Variants in MS4A14 observed in about 807,000 individuals in gnomAD.
MS4A14 encodes membrane-spanning 4-domains subfamily A member 14.
In MS4A14, 18 loss-of-function variants were observed where a neutral mutation model predicts 16.7. That is an observed-to-expected ratio of 1.08 (90% CI 0.75 to 1.60). The LOEUF is 1.60. MS4A14 is among the 40% of genes most tolerant of loss of function. The pLI is 0.00. For synonymous variants in MS4A14, 305 were observed against 289.4 expected, an observed-to-expected ratio of 1.05 and a Z score of -0.55; for missense variants, 812 against 775.3, an observed-to-expected ratio of 1.05 and a Z score of -0.56.
chr11:60,398,150 T>A, intron 2 of MS4A14, 170 bp downstream of exon 2: 3 of 568,712 alleles, frequency 5.3e-6, no homozygotes, highest in Non-Finnish European at 9.0e-6. Context: ...ACTACCATCA[T>A]CATTGTAATA....
rs114610919 is a variant in MS4A14, at chr11:60,414,450, A to G, written c.469-987A>G. Among the ~76,000 whole-genome samples the G allele has an allele frequency of 7.7e-3, 1,174 of 152,272 alleles. 14 individuals are homozygous for G. Among genetic ancestry groups the G allele is most frequent in the African/African-American group, 0.025 (1,019 of 41,556 alleles). On this transcript the variant is annotated intron_variant, in intron 4 of 4. Coordinates refer to ENST00000300187, the MANE Select transcript of MS4A14 (RefSeq NM_032597.5). ...TCATTTAATCACTGAGTTCTGATCCACTTCATCAAATAGAACAAGTAGTCT... is the reference window on the plus strand; with the variant it reads ...TCATTTAATCACTGAGTTCTGATCCGCTTCATCAAATAGAACAAGTAGTCT...
chr11:60,413,862 G>A (rs1339852387), intron 4 of MS4A14, among the ~76,000 whole-genome samples: 1 of 152,064 alleles, frequency 6.6e-6, no homozygotes, highest in Non-Finnish European at 1.5e-5. Flanking sequence ...CCTGAAGTAG[G>A]AAGTAGGTGA....
At chr11:60,398,070 A>C in intron 2 of MS4A14, 90 bp downstream of exon 2, 1 of 1,441,138 alleles carries the variant, frequency 6.9e-7, no homozygotes, top group Non-Finnish European at 9.3e-7. Context: ...TTCCATAAAT[A>C]TGGCCCTCCA....
In MS4A14 at chr11:60,416,835, A is replaced by C; in HGVS notation, c.1867A>C (p.Asn623His). The change falls in exon 5 of 5, where the codon AAT becomes CAT. Residue 623 changes from asparagine (N) to histidine (H), a missense_variant. Coordinates refer to ENST00000300187, the MANE Select transcript of MS4A14 (RefSeq NM_032597.5). ...EKKSPKGQFQ[N>H]VQAEGQQAQV... ...GAAATCCCCGAAAGGACAATTCCAA[A>C]ATGTTCAAGCCGAAGGACAGCAAGC... The C allele has an allele frequency of 6.2e-7, 1 of 1,613,762 alleles. No homozygotes were observed. The highest frequency in any genetic ancestry group is 1.1e-5 in the South Asian group (1 of 91,072).
Position 60,405,968 on chromosome 11 carries a change from G to T in MS4A14, c.468+2907G>T, listed in dbSNP as rs550188620. On this transcript the variant is annotated intron_variant, in intron 4 of 4. Transcript: ENST00000300187. ...ACTATTGCATCCTTTAGAAGCAAGT[G>T]CTGGACACAGTCAGATGAGGTGTGT... is the stretch of plus-strand genomic sequence containing the variant. 89 of 1,527,210 alleles carry T rather than the reference G, an allele frequency of 5.8e-5. No individual in the cohort carries two copies. In the African/African-American group the frequency reaches 1.0e-3, roughly 18 times the overall value. 94.6% of individuals were successfully genotyped at this position (1,527,210 alleles called of 1,614,324 possible). A position where few individuals can be genotyped will look rare whatever the true frequency, so the allele number is the denominator to read the frequency against.
At chr11:60,414,455 A>G (rs2085909140) in intron 4 of MS4A14, among the ~76,000 whole-genome samples, 1 of 152,278 alleles carries the variant, frequency 6.6e-6, no homozygotes, top group African/African-American at 2.4e-5. Flanking sequence ...GATCCACTTC[A>G]TCAAATAGAA....
chr11:60,416,595 C>G lies in MS4A14; in HGVS notation c.1627C>G (p.Pro543Ala), dbSNP rs2085948737. 1 of 1,613,644 alleles carries G rather than the reference C, an allele frequency of 6.2e-7. No individual in the cohort carries two copies. Reference sequence around the variant, plus strand: ...CCAGCAAATCAAAGACTGGCTATCCCCAAAGAGGCACTCCGTAGATAAGCA... The same window carrying G: ...CCAGCAAATCAAAGACTGGCTATCCGCAAAGAGGCACTCCGTAGATAAGCA... ...LDQQIKDWLS[P>A]KRHSVDKQAQ... The change falls in exon 5 of 5, where the codon CCA becomes GCA. Residue 543 changes from proline to alanine, a missense_variant. Transcript: ENST00000300187.
At chr11:60,400,861 C>A (rs2085703332) in intron 3 of MS4A14, among the ~76,000 whole-genome samples, 1 of 152,122 alleles carries the variant, frequency 6.6e-6, no homozygotes, top group Admixed American at 6.6e-5. Context: ...CACAAGGCAG[C>A]CTCCCCCCAA....
At chr11:60,410,119 A>C (rs2085847146) in intron 4 of MS4A14, among the ~76,000 whole-genome samples, 1 of 152,148 alleles carries the variant, frequency 6.6e-6, no homozygotes. Context: ...TTGGCCTTCC[A>C]AACTGCTGGG....
At position 60,416,039 on chromosome 11, in the gene MS4A14, T is replaced by C. The variant is rs2085936516; in HGVS notation, c.1071T>C (p.Pro357=). The change falls in exon 5 of 5, where the codon CCT becomes CCC. Residue 357 remains proline, a synonymous_variant. Coordinates refer to ENST00000300187, the MANE Select transcript of MS4A14 (RefSeq NM_032597.5). ...SSNLTANDLP[P]QGILSQDTSS... Reference sequence around the variant, plus strand: ...ATCTGACAGCTAATGACCTGCCCCCTCAAGGCATACTATCCCAAGACACAT... The same window carrying C: ...ATCTGACAGCTAATGACCTGCCCCCCCAAGGCATACTATCCCAAGACACAT... The C allele has an allele frequency of 6.2e-7, 1 of 1,613,572 alleles. No individual in the cohort carries two copies. The highest frequency in any genetic ancestry group is 8.5e-7 in the Non-Finnish European group (1 of 1,179,860).
Position 60,396,651 on chromosome 11 carries a change from G to C in MS4A14, c.73G>C (p.Ala25Pro). The C allele has an allele frequency of 6.2e-7, 1 of 1,614,000 alleles. No individual in the cohort carries two copies. Among genetic ancestry groups the C allele is most frequent in the Non-Finnish European group, 8.5e-7 (1 of 1,179,938 alleles). Reference sequence around the variant, plus strand: ...AAAACCAAACGAAACTGTATTGACTGCATTTCCCTACAGACCTCATAGCTC... The same window carrying C: ...AAAACCAAACGAAACTGTATTGACTCCATTTCCCTACAGACCTCATAGCTC... ...TIKPNETVLTAFPYRPHSSLL... is the reference protein window; with the variant it reads ...TIKPNETVLTPFPYRPHSSLL... Residue 25 changes from alanine to proline, a missense_variant, in exon 1 of 5, where the codon GCA becomes CCA. Coordinates refer to ENST00000300187, the MANE Select transcript of MS4A14 (RefSeq NM_032597.5).
At chr11:60,398,842 A>G (rs758040153) in intron 2 of MS4A14, among the ~76,000 whole-genome samples, 2 of 152,214 alleles carry the variant, frequency 1.3e-5, no homozygotes, top group Non-Finnish European at 2.9e-5. Flanking sequence ...CAATATAAAT[A>G]ATGTAATATT....
At chr11:60,398,971 AT>A (rs2085670518) in intron 2 of MS4A14, among the ~76,000 whole-genome samples, 1 of 152,218 alleles carries the variant, frequency 6.6e-6, no homozygotes, top group Non-Finnish European at 1.5e-5. Context: ...GCATGTGTGA[AT>A]TAAAATGAGA....
At chr11:60,405,766 A>G (rs1408613038) in intron 4 of MS4A14, 1 of 676,266 alleles carries the variant, frequency 1.5e-6, no homozygotes. Context: ...TCTGATGGCT[A>G]CAGAACCATC....
Position 60,400,463 on chromosome 11 carries a change from C to T in MS4A14, c.318+9C>T, listed in dbSNP as rs774019891. ...AGAAATCAAAACTTCTGGTAAGCCA[C>T]TTAAACTACATAAAATTTAAAATCT... On this transcript the variant is annotated intron_variant, in intron 3 of 4. Transcript: ENST00000300187. 3.2e-6 allele frequency: 5 copies of T among 1,579,398 alleles called. No homozygotes were observed. Among genetic ancestry groups the T allele is most frequent in the South Asian group, 2.2e-5 (2 of 89,212 alleles).
chr11:60,397,704 T>G, intron 1 of MS4A14, 148 bp from the exon 2 acceptor site: 2 of 703,424 alleles, frequency 2.8e-6, no homozygotes, highest in Non-Finnish European at 4.6e-6. Context: ...CTGAGTCTCT[T>G]AACAATCTGA....
intron 4 of MS4A14, chr11:60,406,114 T>C: frequency 1.6e-6 from 1 of 618,756 alleles, no homozygotes. Context: ...ATAAAACATC[T>C]AAATTTAGGA....
chr11:60,400,910 G>C (rs1047524914), intron 3 of MS4A14, among the ~76,000 whole-genome samples: 1 of 152,138 alleles, frequency 6.6e-6, no homozygotes, highest in Non-Finnish European at 1.5e-5. Flanking sequence ...ATAGTACCAA[G>C]GTTGAGAAAC....
In MS4A14 at chr11:60,415,997, T is replaced by C. The variant is rs749268069; in HGVS notation, c.1029T>C (p.His343=). 3 of 1,613,914 alleles carry C rather than the reference T, an allele frequency of 1.9e-6. No homozygotes were observed. Among genetic ancestry groups the C allele is most frequent in the Non-Finnish European group, 2.5e-6 (3 of 1,179,944 alleles). Reference sequence around the variant, plus strand: ...TGCCATCTAAGTCTACATCATCCCATGTCAAACAGTCTTCTAATCTGACAG... The same window carrying C: ...TGCCATCTAAGTCTACATCATCCCACGTCAAACAGTCTTCTAATCTGACAG... The part of the protein sequence containing the change: ...QTMPSKSTSS[H]VKQSSNLTAN... Residue 343 remains histidine, a synonymous_variant, in exon 5 of 5, where the codon CAT becomes CAC. Coordinates refer to ENST00000300187, the MANE Select transcript of MS4A14 (RefSeq NM_032597.5).
Sources: gnomAD v4.1 joint callset for allele counts (sites outside exome capture counted in the v4.1 genomes callset) on GRCh38, gnomAD v4.1.1 for gene constraint, MANE v1.5 for transcripts, NCBI Gene and HGNC (gene_info 2026-07-23, HGNC 2026-07-21) for gene names.